The following TET2 variants were observed in gnomAD, a reference collection of about 807,000 sequenced individuals.
TET2 encodes the protein methylcytosine dioxygenase TET2.
In TET2, 299 loss-of-function variants were observed where a neutral mutation model predicts 142.9. The ratio of observed to expected loss-of-function variants is 2.09; its 90% CI spans 1.90 to 2.30. TET2 has a LOEUF of 2.30. Ranked by LOEUF, TET2 falls within the 30% of genes most tolerant of loss-of-function variation. TET2 has a pLI of 0.00. For missense variants in TET2, 2,418 were observed against 2,378.0 expected (o/e 1.02, Z -0.35); for synonymous variants, 819 against 849.0 (o/e 0.96, Z 0.61).
intron 3 of TET2, chr4:105,238,057 CT>C (rs1729060424): frequency 6.6e-6 from 3 of 456,066 alleles, no homozygotes; most frequent in Non-Finnish European, 9.5e-6. Flanking sequence ...GTTGTAAGGA[CT>C]TTTTGGTTTC....
At chr4:105,153,355 C>T (rs1437268247) in intron 1 of TET2, among the ~76,000 whole-genome samples, 1 of 152,166 alleles carries the variant, frequency 6.6e-6, no homozygotes, top group Non-Finnish European at 1.5e-5. Context: ...CACATGATCA[C>T]ATATTTTTAA....
At chr4:105,240,512 A>T (rs1330543935) in intron 3 of TET2, 39 of 1,078,154 alleles carry the variant, frequency 3.6e-5, no homozygotes, top group Non-Finnish European at 4.2e-5. Flanking sequence ...CTAATGACCT[A>T]CCCGTGCCAT....
intron 6 of TET2, among the ~76,000 whole-genome samples, chr4:105,251,832 C>T (rs1010828562): frequency 1.3e-5 from 2 of 152,224 alleles, no homozygotes; most frequent in South Asian, 2.1e-4. Context: ...AAATTCTCTA[C>T]CCCTGGGCTT....
chr4:105,157,178 A>G (rs2110363274), intron 1 of TET2, among the ~76,000 whole-genome samples: 1 of 146,114 alleles, frequency 6.8e-6, no homozygotes, highest in Middle Eastern at 3.5e-3. Context: ...TAAAAAGTGA[A>G]TTATTAAAAT....
At chr4:105,215,891 C>T (rs922561141) in intron 2 of TET2, among the ~76,000 whole-genome samples, 3 of 152,076 alleles carry the variant, frequency 2.0e-5, no homozygotes, top group African/African-American at 4.8e-5. Context: ...CATAAATGGT[C>T]GGCCTGAGTA....
chr4:105,251,490 T>C (rs1295659957), intron 6 of TET2, among the ~76,000 whole-genome samples: 1 of 152,244 alleles, frequency 6.6e-6, no homozygotes, highest in Non-Finnish European at 1.5e-5. Flanking sequence ...AATGAAATGA[T>C]CATGCGTTCT....
intron 2 of TET2, among the ~76,000 whole-genome samples, chr4:105,213,739 T>G (rs946275382): frequency 6.6e-6 from 1 of 152,208 alleles, no homozygotes; most frequent in Admixed American, 6.6e-5. Flanking sequence ...GGCATTTATT[T>G]TAACTCTATG....
chr4:105,267,597 A>C (rs570040073), intron 8 of TET2, among the ~76,000 whole-genome samples: 1 of 151,766 alleles, frequency 6.6e-6, no homozygotes, highest in Non-Finnish European at 1.5e-5. Context: ...AAATGAAATC[A>C]ATCCAAAAAT....
In TET2 at chr4:105,152,602, T is replaced by C. The variant is rs531168708; in HGVS notation, c.-193+5623T>C. Among the ~76,000 whole-genome samples the C allele has an allele frequency of 3.4e-4, 50 of 146,754 alleles. No homozygotes were observed. The South Asian group carries it at 5.2e-3, about 15-fold the overall frequency. ...TTTTTCTTTCTTTCTTTCTTTCTTT[T>C]TTTTTTTTTTTTTGAGACGGTATCT... is the stretch of plus-strand genomic sequence containing the variant. On this transcript the variant is annotated intron_variant, in intron 1 of 10. Transcript: ENST00000380013.
chr4:105,237,035 TC>T lies in TET2; in HGVS notation c.3094del (p.Leu1032Ter). ...KSIIETMEQH[L>X]KQFHAKSLFD... is the part of the protein sequence containing the mutation. Reference sequence around the variant, plus strand: ...GCATCATTGAGACCATGGAGCAGCATCTGAAGCAGTTTCACGCCAAGTCGTT... The same window carrying T: ...GCATCATTGAGACCATGGAGCAGCATTGAAGCAGTTTCACGCCAAGTCGTT... On this transcript the variant is annotated frameshift_variant, in exon 3 of 11. Coordinates refer to ENST00000380013, the MANE Select transcript of TET2 (RefSeq NM_001127208.3). LOFTEE classifies it high-confidence loss of function. 6.2e-7 allele frequency: 1 copy of T among 1,614,182 alleles called. No individual in the cohort carries two copies. The highest frequency in any genetic ancestry group is 8.5e-7 in the Non-Finnish European group (1 of 1,180,028).
intron 8 of TET2, 36 bp downstream of exon 8, chr4:105,261,884 A>G: frequency 7.9e-7 from 1 of 1,273,504 alleles, no homozygotes; most frequent in Non-Finnish European, 1.1e-6. Context: ...AATTGTAACA[A>G]CTTACTTGTT....
At chr4:105,238,083 AG>A (rs1436423319) in intron 3 of TET2, 1 of 258,418 alleles carries the variant, frequency 3.9e-6, no homozygotes, top group Non-Finnish European at 7.4e-6. Flanking sequence ...TGTATGTAAA[AG>A]TTATTTATAT....
intron 6 of TET2, among the ~76,000 whole-genome samples, chr4:105,258,297 CAT>C (rs34213697): frequency 0.28 from 41,884 of 151,936 alleles, 6,474 homozygotes; most frequent in Non-Finnish European, 0.36. Flanking sequence ...TTTTTGCTGA[CAT>C]GTGTAAAGTG....
chr4:105,273,913 A>G (rs186217031), intron 10 of TET2, among the ~76,000 whole-genome samples: 126 of 152,300 alleles, frequency 8.3e-4, no homozygotes, highest in Non-Finnish European at 1.6e-3. Flanking sequence ...GTTTGTAAAA[A>G]GAAAAAAAAT....
chr4:105,192,809 A>C (rs1328393144), intron 2 of TET2, among the ~76,000 whole-genome samples: 1 of 152,180 alleles, frequency 6.6e-6, no homozygotes. Flanking sequence ...AATGTAAAGC[A>C]GAAAAAGGAA....
At chr4:105,160,081 T>C (rs970715747) in intron 1 of TET2, among the ~76,000 whole-genome samples, 3 of 152,152 alleles carry the variant, frequency 2.0e-5, no homozygotes, top group Non-Finnish European at 4.4e-5. Context: ...AACTAAACGG[T>C]CTGACCAGAA....
chr4:105,241,940 T>C (rs1268655991), intron 4 of TET2: 5 of 493,618 alleles, frequency 1.0e-5, no homozygotes, highest in Non-Finnish European at 1.1e-5. Flanking sequence ...ACAGCTGCCT[T>C]TTTTTTTTTT....
intron 1 of TET2, among the ~76,000 whole-genome samples, chr4:105,170,821 G>A (rs17035323): frequency 0.13 from 19,060 of 151,932 alleles, 1,382 homozygotes; most frequent in Non-Finnish European, 0.16. Flanking sequence ...CATGATGTGC[G>A]ACACTACTTG....
At chr4:105,265,590 T>A (rs149335184) in intron 8 of TET2, among the ~76,000 whole-genome samples, 16 of 152,310 alleles carry the variant, frequency 1.1e-4, no homozygotes, top group African/African-American at 3.8e-4. Context: ...TTCATTTTCC[T>A]TTGGCCAAAG....
Sources: gnomAD v4.1 joint callset for allele counts (sites outside exome capture counted in the v4.1 genomes callset) on GRCh38, gnomAD v4.1.1 for gene constraint, MANE v1.5 for transcripts, NCBI Gene and HGNC (gene_info 2026-07-23, HGNC 2026-07-21) for gene names.